Variants in EEF2K observed in about 807,000 individuals in gnomAD.
The protein encoded by EEF2K is eukaryotic elongation factor 2 kinase, also known as alternative protein EEF2K.
Under a neutral mutation model 93.8 loss-of-function variants are expected in EEF2K, and 70 were observed. The ratio of observed to expected loss-of-function variants is 0.75; its 90% CI spans 0.62 to 0.91. EEF2K has a LOEUF of 0.91. EEF2K is among the 40% of genes least tolerant of loss of function. EEF2K has a pLI of 0.00. For synonymous variants in EEF2K, 376 were observed against 380.8 expected, an observed-to-expected ratio of 0.99 and a Z score of 0.15; for missense variants, 935 against 972.9, an observed-to-expected ratio of 0.96 and a Z score of 0.52.
At position 22,275,321 on chromosome 16, in the gene EEF2K, T is replaced by C. The variant is rs542047758; in HGVS notation, c.1889+1571T>C. On this transcript the variant is annotated intron_variant, in intron 16 of 17. Transcript: ENST00000263026. ...TACTTTTCTCTTTATTTTTTATTTT[T>C]ATTTTTTAATTATTATTATTTATTT... Among the ~76,000 whole-genome samples the C allele has an allele frequency of 5.3e-5, 8 of 151,596 alleles. No homozygotes were observed. The South Asian group carries it at 1.7e-3, about 31-fold the overall frequency.
chr16:22,269,259 A>G (rs531215184), intron 15 of EEF2K, among the ~76,000 whole-genome samples: 1 of 152,100 alleles, frequency 6.6e-6, no homozygotes, highest in East Asian at 1.9e-4. Flanking sequence ...GTTGCTGGCA[A>G]TCTTCAGCGT....
chr16:22,255,267 G>A (rs1384097026), intron 6 of EEF2K, among the ~76,000 whole-genome samples: 3 of 152,206 alleles, frequency 2.0e-5, no homozygotes, highest in Non-Finnish European at 4.4e-5. Flanking sequence ...CACAAAATAT[G>A]TGTGGACACG....
In EEF2K at chr16:22,251,431, T is replaced by G. The variant is rs540668372; in HGVS notation, c.618+109T>G. 7.3e-6 allele frequency: 9 copies of G among 1,233,376 alleles called. No individual in the cohort carries two copies. In the East Asian group the frequency reaches 1.9e-4, roughly 26 times the overall value. The allele number at this position is 1,233,376 out of a possible 1,614,324, so 76.4% of individuals were successfully genotyped here. A position where few individuals can be genotyped will look rare whatever the true frequency, so the allele number is the denominator to read the frequency against. On this transcript the variant is annotated intron_variant, in intron 6 of 17. Transcript: ENST00000263026. ...ATTTCACCTTCTTTTTTTTTTTTTT[T>G]GAGATGAAGTCTTGCTCTGTCACCC... is the stretch of plus-strand genomic sequence containing the variant.
chr16:22,286,122 C>T lies in EEF2K; in HGVS notation c.*2126C>T, dbSNP rs897884419. Reference sequence around the variant, plus strand: ...CTTGAAAAAAATCCCTTGGACCACCCATAAATGACAGTGACTTTTTCAATA... The same window carrying T: ...CTTGAAAAAAATCCCTTGGACCACCTATAAATGACAGTGACTTTTTCAATA... On this transcript the variant is annotated 3_prime_UTR_variant, in exon 18 of 18. Coordinates refer to ENST00000263026, the MANE Select transcript of EEF2K (RefSeq NM_013302.5). 6.6e-6 allele frequency: 1 copy of T among 152,168 alleles called. No individual in the cohort carries two copies. The highest frequency in any genetic ancestry group is 6.6e-5 in the Admixed American group (1 of 15,266). 9.4% of individuals were successfully genotyped at this position (152,168 alleles called of 1,614,324 possible). A position where few individuals can be genotyped will look rare whatever the true frequency, so the allele number is the denominator to read the frequency against.
In EEF2K at chr16:22,257,355, A is replaced by G. The variant is rs368114040; in HGVS notation, c.871A>G (p.Thr291Ala). Residue 291 changes from threonine (T) to alanine (A), a missense_variant, in exon 8 of 18, where the codon ACG becomes GCG. Physicochemically the swap from Thr to Ala is moderately conservative, Grantham distance 58. Coordinates refer to ENST00000263026, the MANE Select transcript of EEF2K (RefSeq NM_013302.5). ...LYTDPQIHTETGTDFGDGNLG... is the reference protein window; with the variant it reads ...LYTDPQIHTEAGTDFGDGNLG... ...CACTGACCCACAGATCCACACGGAG[A>G]CGGGCACTGACTTTGGAGACGGCAA... The G allele has an allele frequency of 2.0e-5, 32 of 1,613,752 alleles. No homozygotes were observed. The highest frequency in any genetic ancestry group is 5.0e-5 in the Admixed American group (3 of 59,856).
Position 22,278,816 on chromosome 16 carries a change from T to A in EEF2K, c.1890-1382T>A, listed in dbSNP as rs2047665442. ...CGTGGGTTTGGCTGGAAACTTTGTG[T>A]GCCCTGGCTGGTTTGGCCATACATG... is the stretch of plus-strand genomic sequence containing the variant. On this transcript the variant is annotated intron_variant, in intron 16 of 17. Coordinates refer to ENST00000263026, the MANE Select transcript of EEF2K (RefSeq NM_013302.5). Among the ~76,000 whole-genome samples, 6 of 152,166 alleles carry A rather than the reference T, an allele frequency of 3.9e-5. No individual in the cohort carries two copies. The South Asian group carries it at 1.2e-3, about 32-fold the overall frequency.
chr16:22,275,007 C>T (rs986095397), intron 16 of EEF2K, among the ~76,000 whole-genome samples: 1 of 152,218 alleles, frequency 6.6e-6, no homozygotes, highest in Non-Finnish European at 1.5e-5. Flanking sequence ...AGCCAACTTA[C>T]ATCTTCTCAC....
intron 11 of EEF2K, among the ~76,000 whole-genome samples, chr16:22,261,543 A>G (rs2047462091): frequency 6.6e-6 from 1 of 151,796 alleles, no homozygotes; most frequent in African/African-American, 2.4e-5. Context: ...TACAAAAATT[A>G]GCCGAGTATG....
At chr16:22,252,648 A>C (rs983610304) in intron 6 of EEF2K, among the ~76,000 whole-genome samples, 1 of 152,180 alleles carries the variant, frequency 6.6e-6, no homozygotes, top group African/African-American at 2.4e-5. Flanking sequence ...GAAAAAGCGG[A>C]AGAAAGAGCT....
intron 1 of EEF2K, among the ~76,000 whole-genome samples, chr16:22,209,686 T>C (rs60817262): frequency 2.7e-4 from 41 of 152,346 alleles, no homozygotes; most frequent in African/African-American, 9.9e-4. Context: ...AGAAGGTGGT[T>C]AGAGCGATGA....
At chr16:22,279,614 G>T (rs1190459753) in intron 16 of EEF2K, among the ~76,000 whole-genome samples, 2 of 151,842 alleles carry the variant, frequency 1.3e-5, no homozygotes, top group Non-Finnish European at 2.9e-5. Flanking sequence ...CATTATTTTT[G>T]ACTATAGTCA....
rs2047344372 is a variant in EEF2K at position 22,251,007 on chromosome 16, A to G, written c.447-144A>G. 6.2e-6 allele frequency: 6 copies of G among 970,970 alleles called. No individual in the cohort carries two copies. The East Asian group carries it at 1.4e-4, about 23-fold the overall frequency. The allele number at this position is 970,970 out of a possible 1,614,324, so 60.1% of individuals were successfully genotyped here. On this transcript the variant is annotated intron_variant, in intron 5 of 17. Transcript: ENST00000263026. The stretch of plus-strand genomic sequence containing the variant: ...CTTTGAAGGATGCAGAGGGGTGGGG[A>G]CGTCCTTCTTACCTCCTGCATTTTG...
rs1486457300 is a variant in EEF2K, at chr16:22,288,148, C to T, written c.*4152C>T. 3.9e-5 allele frequency: 6 copies of T among 152,284 alleles called. No individual in the cohort carries two copies. Among genetic ancestry groups the T allele is most frequent in the Admixed American group, 1.3e-4 (2 of 15,280 alleles). 9.4% of individuals were successfully genotyped at this position (152,284 alleles called of 1,614,324 possible). On this transcript the variant is annotated 3_prime_UTR_variant, in exon 18 of 18. Coordinates refer to ENST00000263026, the MANE Select transcript of EEF2K (RefSeq NM_013302.5). ...GGGACTACAGGCACCTGCCACCACG[C>T]GCAGCTAATGTTTGTATTTTTAGTA...
chr16:22,261,447 G>A (rs1185592906), intron 11 of EEF2K, among the ~76,000 whole-genome samples: 1 of 152,080 alleles, frequency 6.6e-6, no homozygotes, highest in Non-Finnish European at 1.5e-5. Context: ...CCAGCACTTT[G>A]GCAGGCCAAG....
intron 2 of EEF2K, among the ~76,000 whole-genome samples, chr16:22,244,241 TAC>T (rs1567272735): frequency 1.3e-5 from 2 of 151,020 alleles, no homozygotes; most frequent in African/African-American, 4.9e-5. Context: ...TATATATATA[TAC>T]GTTATATTCT....
At chr16:22,215,533 G>A (rs1414718739) in intron 1 of EEF2K, among the ~76,000 whole-genome samples, 2 of 152,150 alleles carry the variant, frequency 1.3e-5, no homozygotes, top group Non-Finnish European at 2.9e-5. Context: ...ATGTTTATGA[G>A]CACCCATTAT....
chr16:22,230,340 A>G (rs547921280), intron 2 of EEF2K, among the ~76,000 whole-genome samples: 6 of 151,850 alleles, frequency 4.0e-5, no homozygotes, highest in Admixed American at 2.0e-4. Flanking sequence ...CAGCCTCCCA[A>G]GTAGCTGGAA....
intron 1 of EEF2K, among the ~76,000 whole-genome samples, chr16:22,224,691 G>C (rs996902833): frequency 6.6e-6 from 1 of 151,492 alleles, no homozygotes; most frequent in African/African-American, 2.4e-5. Flanking sequence ...GGTGGCTCAC[G>C]CCTGTAATCC....
At chr16:22,265,000 G>A in intron 13 of EEF2K, 120 bp downstream of exon 13, 3 of 1,248,238 alleles carry the variant, frequency 2.4e-6, no homozygotes, top group Non-Finnish European at 3.4e-6. Flanking sequence ...TGTGCTAAAG[G>A]AAGATTTTGC....
Sources: gnomAD v4.1 joint callset for allele counts (sites outside exome capture counted in the v4.1 genomes callset) on GRCh38, gnomAD v4.1.1 for gene constraint, MANE v1.5 for transcripts, NCBI Gene and HGNC (gene_info 2026-07-23, HGNC 2026-07-21) for gene names.